C2CD5: variants seen among roughly 807,000 people sequenced by gnomAD.
C2CD5 encodes C2 domain-containing protein 5.
In C2CD5, 109 loss-of-function variants were observed where a neutral mutation model predicts 130.3. The observed-to-expected ratio is 0.84, with a 90% CI of 0.72 to 0.98. C2CD5 has a LOEUF of 0.98. C2CD5 is among the 50% of genes least tolerant of loss of function. The pLI, the probability that C2CD5 is intolerant of heterozygous loss-of-function variation, is 0.00. For synonymous variants in C2CD5, 454 were observed against 429.2 expected (o/e 1.06, Z -0.71); for missense variants, 996 against 1,261.8 (o/e 0.79, Z 3.19).
chr12:22,543,783 G>A (rs966190343), intron 2 of C2CD5, among the ~76,000 whole-genome samples: 1 of 152,134 alleles, frequency 6.6e-6, no homozygotes. Flanking sequence ...CTGAGTGGCA[G>A]GTGGCCTGTT....
At chr12:22,501,328 G>A (rs1342983978) in intron 10 of C2CD5, among the ~76,000 whole-genome samples, 2 of 151,994 alleles carry the variant, frequency 1.3e-5, no homozygotes, top group African/African-American at 2.4e-5. Flanking sequence ...GTGGGACAAC[G>A]TCCTTACTAT....
intron 22 of C2CD5, among the ~76,000 whole-genome samples, chr12:22,463,065 C>G (rs1941457497): frequency 6.7e-6 from 1 of 150,322 alleles, no homozygotes; most frequent in Non-Finnish European, 1.5e-5. Flanking sequence ...GCCTGGGGGA[C>G]AGAGTAAGAC....
intron 20 of C2CD5, among the ~76,000 whole-genome samples, 171 bp downstream of exon 20, chr12:22,471,228 A>C (rs1174743164): frequency 6.6e-5 from 10 of 152,084 alleles, no homozygotes; most frequent in Non-Finnish European, 1.5e-5. Flanking sequence ...CAGATAACTA[A>C]AGTTCAGAAA....
At chr12:22,466,890 A>G (rs2136119710) in intron 22 of C2CD5, among the ~76,000 whole-genome samples, 1 of 152,346 alleles carries the variant, frequency 6.6e-6, no homozygotes, top group East Asian at 1.9e-4. Context: ...GATGACAATA[A>G]AGGGTGGCAT....
At chr12:22,541,041 G>A (rs576088860) in intron 2 of C2CD5, among the ~76,000 whole-genome samples, 1 of 152,244 alleles carries the variant, frequency 6.6e-6, no homozygotes, top group South Asian at 2.1e-4. Flanking sequence ...AGAAACACTG[G>A]CTTGTGTGCT....
chr12:22,529,570 T>C (rs1363196501), intron 3 of C2CD5, among the ~76,000 whole-genome samples: 3 of 152,210 alleles, frequency 2.0e-5, no homozygotes, highest in Non-Finnish European at 2.9e-5. Context: ...GAATTAATCA[T>C]AATGAATTAA....
At chr12:22,472,133 T>A in intron 18 of C2CD5, 68 bp from the exon 19 acceptor site, 1 of 994,020 alleles carries the variant, frequency 1.0e-6, no homozygotes, top group Non-Finnish European at 1.6e-6. Flanking sequence ...GTTGATAAAT[T>A]GCCAAATAAT....
chr12:22,482,653 AG>A lies in C2CD5; in HGVS notation c.1640del (p.Thr547IlefsTer3). 6.2e-7 allele frequency: 1 copy of A among 1,612,274 alleles called. No individual in the cohort carries two copies. Among genetic ancestry groups the A allele is most frequent in the East Asian group, 2.2e-5 (1 of 44,810 alleles). On this transcript the variant is annotated frameshift_variant, in exon 14 of 27. Coordinates refer to ENST00000446597, the MANE Select transcript of C2CD5 (RefSeq NM_001286176.2). LOFTEE classifies it high-confidence loss of function. ...LLPFMEYEVHTQLMNKLKLKG... is the reference protein window; with the variant it reads ...LLPFMEYEVHXQLMNKLKLKG... Reference sequence around the variant, plus strand: ...TGAGTTTTAGTTTATTCATTAGCTGAGTATGCACTTCATATTCCATAAATGG... The same window carrying A: ...TGAGTTTTAGTTTATTCATTAGCTGATATGCACTTCATATTCCATAAATGG...
chr12:22,450,527 T>C (rs1433862331), intron 26 of C2CD5, among the ~76,000 whole-genome samples: 1 of 152,092 alleles, frequency 6.6e-6, no homozygotes, highest in African/African-American at 2.4e-5. Flanking sequence ...GTAAATCTTA[T>C]GATAAATTAA....
intron 7 of C2CD5, 143 bp from the exon 8 acceptor site, chr12:22,518,280 CAACCAATTGCTGTTT>C (rs1318832638): frequency 1.4e-6 from 1 of 732,692 alleles, no homozygotes; most frequent in Non-Finnish European, 2.4e-6. Context: ...AGGCCAAAGA[CAACCAATTGCTGTTT>C]AACCATTCAT....
At chr12:22,462,707 G>A (rs147158251) in intron 22 of C2CD5, among the ~76,000 whole-genome samples, 80 of 152,264 alleles carry the variant, frequency 5.3e-4, no homozygotes, top group Admixed American at 2.5e-3. Flanking sequence ...AATGGCAAAG[G>A]TATTCGTTAG....
At chr12:22,482,829 G>C in intron 13 of C2CD5, 86 bp from the exon 14 acceptor site, 1 of 907,124 alleles carries the variant, frequency 1.1e-6, no homozygotes, top group Non-Finnish European at 1.8e-6. Context: ...AAAGTGTGCT[G>C]AATAAAACAT....
chr12:22,523,360 C>T lies in C2CD5; in HGVS notation c.800+66G>A, dbSNP rs74068203. 12,290 of 1,297,738 alleles carry T rather than the reference C, an allele frequency of 9.5e-3. 962 individuals carry two copies. In the African/African-American group the frequency reaches 0.16, roughly 17 times the overall value. 80.4% of individuals were successfully genotyped at this position (1,297,738 alleles called of 1,614,324 possible). On this transcript the variant is annotated intron_variant, in intron 7 of 26. Transcript: ENST00000446597. ...ACAACCCTACTAAAATGTTTCAAATCAAATGAAAAAGCATAGATAAAAGAT... is the reference window on the plus strand; with the variant it reads ...ACAACCCTACTAAAATGTTTCAAATTAAATGAAAAAGCATAGATAAAAGAT...
chr12:22,481,512 T>C (rs1389892472), intron 14 of C2CD5, among the ~76,000 whole-genome samples: 1 of 152,176 alleles, frequency 6.6e-6, no homozygotes, highest in Non-Finnish European at 1.5e-5. Flanking sequence ...AGTCCTACAC[T>C]ACTTATAGAA....
intron 25 of C2CD5, among the ~76,000 whole-genome samples, chr12:22,454,597 T>G (rs924130977): frequency 1.3e-5 from 2 of 149,138 alleles, no homozygotes; most frequent in African/African-American, 5.0e-5. Context: ...AGAGAACAAC[T>G]CATTCACTCC....
chr12:22,540,587 G>A (rs967084586), intron 2 of C2CD5, among the ~76,000 whole-genome samples: 22 of 152,160 alleles, frequency 1.4e-4, no homozygotes, highest in Admixed American at 2.0e-4. Context: ...GGCCAGGCGC[G>A]GTGGCTCACA....
intron 15 of C2CD5, among the ~76,000 whole-genome samples, chr12:22,477,780 A>C (rs1164686537): frequency 6.6e-6 from 1 of 152,180 alleles, no homozygotes; most frequent in African/African-American, 2.4e-5. Flanking sequence ...GACTGGGAGC[A>C]AATTTGTAAA....
intron 3 of C2CD5, among the ~76,000 whole-genome samples, chr12:22,533,677 C>G (rs899436788): frequency 6.6e-6 from 1 of 152,084 alleles, no homozygotes; most frequent in African/African-American, 2.4e-5. Flanking sequence ...GAAGGAAGCA[C>G]AAGTGGGAAG....
intron 15 of C2CD5, among the ~76,000 whole-genome samples, chr12:22,477,635 C>T (rs1944038293): frequency 6.6e-6 from 1 of 152,004 alleles, no homozygotes; most frequent in Non-Finnish European, 1.5e-5. Context: ...ATCAGAGACT[C>T]ATAAAAACAA....
Sources: gnomAD v4.1 joint callset for allele counts (sites outside exome capture counted in the v4.1 genomes callset) on GRCh38, gnomAD v4.1.1 for gene constraint, MANE v1.5 for transcripts, NCBI Gene and HGNC (gene_info 2026-07-23, HGNC 2026-07-21) for gene names.